The following CHRM3 variants were observed in gnomAD, a reference collection of about 807,000 sequenced individuals.
CHRM3 encodes the protein muscarinic acetylcholine receptor M3.
In CHRM3, 11 loss-of-function variants were observed where a neutral mutation model predicts 41.8. The ratio of observed to expected loss-of-function variants is 0.26; its 90% CI spans 0.17 to 0.44. The LOEUF is 0.44. CHRM3 is among the 20% of genes least tolerant of loss of function. The pLI is 1.00. For synonymous variants in CHRM3, 297 were observed against 301.4 expected, an observed-to-expected ratio of 0.99 and a Z score of 0.15; for missense variants, 571 against 745.4, an observed-to-expected ratio of 0.77 and a Z score of 2.72.
intron 5 of CHRM3, among the ~76,000 whole-genome samples, chr1:239,680,824 G>A (rs1024704398): frequency 4.6e-5 from 7 of 151,944 alleles, no homozygotes; most frequent in Non-Finnish European, 7.4e-5. Flanking sequence ...TTGAACTGCG[G>A]AGGAGACTTT....
At chr1:239,463,623 A>G (rs1376297442) in intron 1 of CHRM3, among the ~76,000 whole-genome samples, 1 of 152,260 alleles carries the variant, frequency 6.6e-6, no homozygotes, top group Non-Finnish European at 1.5e-5. Context: ...GAAAGGAAAT[A>G]GAACTCATAA....
chr1:239,898,805 A>G (rs1558221348), intron 6 of CHRM3, among the ~76,000 whole-genome samples: 1 of 152,134 alleles, frequency 6.6e-6, no homozygotes. Flanking sequence ...TCTGTAAGCA[A>G]TCTCACATGT....
chr1:239,649,511 G>C (rs1207065400), intron 4 of CHRM3, among the ~76,000 whole-genome samples: 1 of 152,204 alleles, frequency 6.6e-6, no homozygotes, highest in Non-Finnish European at 1.5e-5. Context: ...AGTTGATACA[G>C]ATGACCTCAT....
intron 1 of CHRM3, among the ~76,000 whole-genome samples, chr1:239,404,424 AAGAAAGAAAG>A (rs1558195884): frequency 7.6e-5 from 8 of 104,856 alleles, no homozygotes; most frequent in Middle Eastern, 4.7e-3. Context: ...GAAAGAAAGA[AAGAAAGAAAG>A]AAAGAAAGAA....
intron 5 of CHRM3, among the ~76,000 whole-genome samples, chr1:239,681,509 G>A (rs1658559005): frequency 6.6e-6 from 1 of 152,148 alleles, no homozygotes; most frequent in African/African-American, 2.4e-5. Context: ...AAAATGATCA[G>A]TGAAAGACTA....
chr1:239,565,033 C>T, intron 3 of CHRM3, among the ~76,000 whole-genome samples: 1 of 152,112 alleles, frequency 6.6e-6, no homozygotes, highest in Non-Finnish European at 1.5e-5. Context: ...CTCCTTAGCT[C>T]CTGACTGTGT....
At chr1:239,526,840 G>T (rs1670026943) in intron 2 of CHRM3, among the ~76,000 whole-genome samples, 1 of 152,088 alleles carries the variant, frequency 6.6e-6, no homozygotes, top group South Asian at 2.1e-4. Context: ...CATAAGTCAT[G>T]GCTGGGTGCA....
intron 5 of CHRM3, among the ~76,000 whole-genome samples, chr1:239,798,896 C>T (rs1669994915): frequency 6.6e-6 from 1 of 152,096 alleles, no homozygotes; most frequent in South Asian, 2.1e-4. Context: ...TAGGGGAAAA[C>T]TGAGATTTTC....
At chr1:239,572,285 G>A (rs906041923) in intron 3 of CHRM3, among the ~76,000 whole-genome samples, 2 of 152,180 alleles carry the variant, frequency 1.3e-5, no homozygotes, top group East Asian at 1.9e-4. Context: ...TTGATAAAAC[G>A]GAGATGAGAT....
intron 1 of CHRM3, among the ~76,000 whole-genome samples, chr1:239,489,089 TA>T (rs1249645222): frequency 6.6e-6 from 1 of 152,178 alleles, no homozygotes; most frequent in African/African-American, 2.4e-5. Flanking sequence ...AAAGGCAGGA[TA>T]AAAATTGCAA....
intron 5 of CHRM3, among the ~76,000 whole-genome samples, chr1:239,698,379 T>C (rs763327659): frequency 2.0e-5 from 3 of 152,166 alleles, no homozygotes; most frequent in Non-Finnish European, 4.4e-5. Flanking sequence ...TAAAGCAGAT[T>C]TATTCTTTAG....
At chr1:239,575,247 A>T (rs1320061473) in intron 3 of CHRM3, among the ~76,000 whole-genome samples, 1 of 152,084 alleles carries the variant, frequency 6.6e-6, no homozygotes, top group Admixed American at 6.6e-5. Context: ...ACCTTCACAT[A>T]AAAAAAGGTG....
At chr1:239,868,575 AT>A (rs1355327633) in intron 6 of CHRM3, among the ~76,000 whole-genome samples, 20 of 152,186 alleles carry the variant, frequency 1.3e-4, no homozygotes, top group Non-Finnish European at 2.6e-4. Flanking sequence ...CTTCAAGCCC[AT>A]CCGCCAGCCC....
chr1:239,766,132 A>C (rs2148687496), intron 5 of CHRM3, among the ~76,000 whole-genome samples: 1 of 152,190 alleles, frequency 6.6e-6, no homozygotes, highest in African/African-American at 2.4e-5. Flanking sequence ...GTATTTTCTT[A>C]ATAAAAATAA....
rs961886402 is a variant in CHRM3 at position 239,652,044 on chromosome 1, A to G, written c.-250+19758A>G. Among the ~76,000 whole-genome samples, 55 of 147,402 alleles carry G rather than the reference A, an allele frequency of 3.7e-4. No individual in the cohort carries two copies. The Admixed American group carries it at 3.7e-3, about 10-fold the overall frequency. ...CACCAGCTATGCAAGGCCACAAGTT[A>G]TGCACTATATGATTAACTGCCTTTG... On this transcript the variant is annotated intron_variant, in intron 4 of 6. Coordinates refer to ENST00000676153, the MANE Select transcript of CHRM3 (RefSeq NM_001375978.1).
At chr1:239,574,653 T>C (rs1442085054) in intron 3 of CHRM3, among the ~76,000 whole-genome samples, 1 of 152,152 alleles carries the variant, frequency 6.6e-6, no homozygotes, top group Non-Finnish European at 1.5e-5. Context: ...ATAAGTTACT[T>C]TTTACTGGAT....
At chr1:239,433,030 C>T (rs369439702) in intron 1 of CHRM3, among the ~76,000 whole-genome samples, 6 of 152,094 alleles carry the variant, frequency 3.9e-5, no homozygotes, top group African/African-American at 9.7e-5. Context: ...TCCAGCTCAG[C>T]GCTGTGTTTT....
chr1:239,853,676 C>T (rs74149248), intron 6 of CHRM3, among the ~76,000 whole-genome samples: 4,773 of 152,058 alleles, frequency 0.031, 256 homozygotes, highest in African/African-American at 0.11. Context: ...AGATGACAAA[C>T]TGTATCTTCA....
chr1:239,434,943 C>T (rs1663116404), intron 1 of CHRM3, among the ~76,000 whole-genome samples: 1 of 152,198 alleles, frequency 6.6e-6, no homozygotes, highest in South Asian at 2.1e-4. Flanking sequence ...AGATCGCTTC[C>T]CGAGGTTTTT....
Sources: gnomAD v4.1 joint callset for allele counts (sites outside exome capture counted in the v4.1 genomes callset) on GRCh38, gnomAD v4.1.1 for gene constraint, MANE v1.5 for transcripts, NCBI Gene and HGNC (gene_info 2026-07-23, HGNC 2026-07-21) for gene names.